The following OTOF variants were observed in gnomAD, a reference collection of about 807,000 sequenced individuals.
The protein encoded by OTOF is otoferlin.
In OTOF, 218 loss-of-function variants were observed where a neutral mutation model predicts 236.8. The ratio of observed to expected loss-of-function variants is 0.92; its 90% CI spans 0.82 to 1.03. The LOEUF is 1.03. OTOF is among the 50% of genes least tolerant of loss of function. The pLI, the probability that OTOF is intolerant of heterozygous loss-of-function variation, is 0.00. For synonymous variants in OTOF, 1,041 were observed against 1,072.5 expected (o/e 0.97, Z 0.57); for missense variants, 2,590 against 2,694.4 (o/e 0.96, Z 0.86).
chr2:26,466,365 C>T lies in OTOF; in HGVS notation c.4501-289G>A, dbSNP rs551423785. 1.2e-5 allele frequency: 6 copies of T among 515,308 alleles called. No homozygotes were observed. The South Asian group carries it at 1.2e-4, about 11-fold the overall frequency. 31.9% of individuals were successfully genotyped at this position (515,308 alleles called of 1,614,324 possible). A position where few individuals can be genotyped will look rare whatever the true frequency, so the allele number is the denominator to read the frequency against. ...TTTTTTTTTTCCTTTGAGACAGAGT[C>T]TCGCTCTGTCTCCCAGGCTGGAGTG... On this transcript the variant is annotated intron_variant, in intron 36 of 46. Transcript: ENST00000272371.
Position 26,465,984 on chromosome 2 carries a change from G to A in OTOF, c.4593C>T (p.Asn1531=). ...LGKTDIRDKE[N]YISKQLNPVF... Reference sequence around the variant, plus strand: ...CAGGGTTGAGCTGCTTGGAGATGTAGTTCTCCTTGTCGCGGATGTCAGTCT... The same window carrying A: ...CAGGGTTGAGCTGCTTGGAGATGTAATTCTCCTTGTCGCGGATGTCAGTCT... Residue 1531 remains asparagine (N), a synonymous_variant, in exon 37 of 47, where the codon AAC becomes AAT. Transcript: ENST00000272371. 6.2e-7 allele frequency: 1 copy of A among 1,614,266 alleles called. No homozygotes were observed. Among genetic ancestry groups the A allele is most frequent in the Non-Finnish European group, 8.5e-7 (1 of 1,180,046 alleles).
chr2:26,515,051 C>G (rs551008077), intron 5 of OTOF, among the ~76,000 whole-genome samples: 2 of 152,244 alleles, frequency 1.3e-5, no homozygotes, highest in Non-Finnish European at 2.9e-5. Flanking sequence ...CTGTCACCAG[C>G]CTGGACATGG....
At chr2:26,508,497 G>C (rs1558505549) in intron 5 of OTOF, among the ~76,000 whole-genome samples, 1 of 152,174 alleles carries the variant, frequency 6.6e-6, no homozygotes, top group Non-Finnish European at 1.5e-5. Flanking sequence ...CGTTGTACCA[G>C]AAGGCTTGGG....
At chr2:26,545,040 C>CAA (rs56104110) in intron 1 of OTOF, among the ~76,000 whole-genome samples, 1 of 136,540 alleles carries the variant, frequency 7.3e-6, no homozygotes, top group African/African-American at 2.8e-5. Context: ...GATGCCATCC[C>CAA]AAAAAAAAAA....
In OTOF at chr2:26,477,872, C is replaced by T; in HGVS notation, c.2215-123G>A. On this transcript the variant is annotated intron_variant, in intron 18 of 46. Coordinates refer to ENST00000272371, the MANE Select transcript of OTOF (RefSeq NM_194248.3). The surrounding 1 kb of genome is among the most constrained non-coding windows in gnomAD (Gnocchi z 4.7). The stretch of plus-strand genomic sequence containing the variant: ...ATGATCTGGGAGCTCTCGCTAGGGC[C>T]ATCCTGAGTATCGGTCATCATGAGG... 1 of 1,551,914 alleles carries T rather than the reference C, an allele frequency of 6.4e-7. No homozygotes were observed. The highest frequency in any genetic ancestry group is 8.7e-7 in the Non-Finnish European group (1 of 1,147,628).
rs1665566029 is a variant in OTOF at position 26,482,501 on chromosome 2, A to G, written c.1484T>C (p.Met495Thr). Residue 495 changes from methionine (M) to threonine (T), a missense_variant, in exon 14 of 47, where the codon ATG (methionine) becomes ACG (threonine). This residue lies in a region of OTOF where 1,379 missense variants were observed against 1,341.6 expected (regional missense o/e 1.03). Transcript: ENST00000272371. ...GTCCGAGTCTCGGATCTGCACCTTC[A>G]TGCGTTTGCAGAGTGGGGGGAAGAG... is the stretch of plus-strand genomic sequence containing the variant. ...TDLFPPLCKR[M>T]KVQIRDSDKV... 1 of 1,613,336 alleles carries G rather than the reference A, an allele frequency of 6.2e-7. No individual in the cohort carries two copies. The highest frequency in any genetic ancestry group is 8.5e-7 in the Non-Finnish European group (1 of 1,179,976).
At chr2:26,533,744 C>G (rs947766722) in intron 2 of OTOF, among the ~76,000 whole-genome samples, 1 of 152,142 alleles carries the variant, frequency 6.6e-6, no homozygotes, top group Non-Finnish European at 1.5e-5. Context: ...CACAGGCCTG[C>G]GGTGACAGGT....
intron 9 of OTOF, among the ~76,000 whole-genome samples, chr2:26,492,821 A>G (rs1318234545): frequency 1.3e-5 from 2 of 152,212 alleles, no homozygotes; most frequent in Non-Finnish European, 2.9e-5. Context: ...AGAGCAGGCA[A>G]GGCTGCTCAG....
At chr2:26,466,908 AAATAGCTAACAG>A (rs1664754331) in intron 35 of OTOF, 57 bp from the exon 36 acceptor site, 1 of 1,611,610 alleles carries the variant, frequency 6.2e-7, no homozygotes, top group African/African-American at 1.3e-5. Context: ...GTGGCATTCA[AAATAGCTAACAG>A]CACCAGGAGG....
Position 26,477,604 on chromosome 2 carries a change from A to G in OTOF, c.2315+45T>C. On this transcript the variant is annotated intron_variant, in intron 19 of 46. Coordinates refer to ENST00000272371, the MANE Select transcript of OTOF (RefSeq NM_194248.3). The surrounding 1 kb of genome is among the most constrained non-coding windows in gnomAD (Gnocchi z 4.7). The stretch of plus-strand genomic sequence containing the variant: ...AGCCCTGGCAGGGTCCCCTTTGTCC[A>G]GTTCCGCCTCATCCTCCCCCCACCT... 3.7e-6 allele frequency: 6 copies of G among 1,609,056 alleles called. No individual in the cohort carries two copies. The highest frequency in any genetic ancestry group is 5.1e-6 in the Non-Finnish European group (6 of 1,177,808).
At chr2:26,501,511 C>T (rs1334503088) in intron 8 of OTOF, among the ~76,000 whole-genome samples, 1 of 152,178 alleles carries the variant, frequency 6.6e-6, no homozygotes, top group Non-Finnish European at 1.5e-5. Context: ...ACATGAAATA[C>T]TGGAAGGGCT....
At chr2:26,502,492 T>C in intron 6 of OTOF, 66 bp from the exon 7 acceptor site, 1 of 1,517,182 alleles carries the variant, frequency 6.6e-7, no homozygotes. Context: ...TTTCTCCTTT[T>C]ACTCTGGCAT....
intron 5 of OTOF, among the ~76,000 whole-genome samples, chr2:26,514,229 C>T (rs1666463140): frequency 6.6e-6 from 1 of 152,286 alleles, no homozygotes; most frequent in South Asian, 2.1e-4. Flanking sequence ...TGCTCCTGCA[C>T]ACTGCCCCTG....
chr2:26,466,771 G>C lies in OTOF; in HGVS notation c.4443C>G (p.Phe1481Leu). ...EAGYDSTYGM[F>L]QGIPSNDPIN... Reference sequence around the variant, plus strand: ...TGGGGTCATTGCTCGGGATGCCCTGGAACATGCCGTAGGTGGAGTCGTAGC... The same window carrying C: ...TGGGGTCATTGCTCGGGATGCCCTGCAACATGCCGTAGGTGGAGTCGTAGC... Residue 1481 changes from phenylalanine to leucine, a missense_variant, in exon 36 of 47, where the codon TTC (phenylalanine) becomes TTG (leucine). Phe to Leu is a conservative substitution (Grantham distance 22, BLOSUM62 0). Coordinates refer to ENST00000272371, the MANE Select transcript of OTOF (RefSeq NM_194248.3). 6.2e-7 allele frequency: 1 copy of C among 1,614,232 alleles called. No individual in the cohort carries two copies. The highest frequency in any genetic ancestry group is 2.2e-5 in the East Asian group (1 of 44,888).
At position 26,461,068 on chromosome 2, in the gene OTOF, C is replaced by T. The variant is rs1393988253; in HGVS notation, c.5534-38G>A. The T allele has an allele frequency of 8.7e-6, 3 of 343,324 alleles. No individual in the cohort carries two copies. The highest frequency in any genetic ancestry group is 2.1e-5 in the South Asian group (1 of 48,050). 21.3% of individuals were successfully genotyped at this position (343,324 alleles called of 1,614,324 possible). On this transcript the variant is annotated intron_variant, in intron 43 of 46. Transcript: ENST00000272371. The surrounding 1 kb of genome is among the most constrained non-coding windows in gnomAD (Gnocchi z 6.2). ...CAGTGTCAGCTCAGAGTGAACAGGG[C>T]TGGGGTGGGGCGGGGTGGGGGTGGG...
chr2:26,501,842 A>G, intron 7 of OTOF, 34 bp from the exon 8 acceptor site: 1 of 1,549,490 alleles, frequency 6.5e-7, no homozygotes, highest in Non-Finnish European at 8.9e-7. Flanking sequence ...GGCCTGGGGT[A>G]TGGGGACTGC....
intron 46 of OTOF, among the ~76,000 whole-genome samples, chr2:26,459,731 G>A (rs1664366970): frequency 6.6e-6 from 1 of 152,178 alleles, no homozygotes; most frequent in Non-Finnish European, 1.5e-5. Context: ...GCTTAATGTG[G>A]AAAAGTGTAA....
At chr2:26,550,186 A>C (rs1039476138) in intron 1 of OTOF, among the ~76,000 whole-genome samples, 1 of 152,068 alleles carries the variant, frequency 6.6e-6, no homozygotes, top group African/African-American at 2.4e-5. Flanking sequence ...AGAAAATAAA[A>C]TAGAAACGAG....
At chr2:26,527,483 C>T (rs189286216) in intron 3 of OTOF, among the ~76,000 whole-genome samples, 3 of 152,288 alleles carry the variant, frequency 2.0e-5, no homozygotes, top group East Asian at 1.9e-4. Flanking sequence ...CTCCACCTTT[C>T]GCCTCTCCAG....
Sources: allele counts gnomAD v4.1 joint callset (sites outside exome capture counted in the v4.1 genomes callset), GRCh38; gene constraint gnomAD v4.1.1; regional missense constraint gnomAD v4.1.1; non-coding constraint Gnocchi (gnomAD v3.1); transcripts MANE v1.5; gene names NCBI Gene and HGNC (gene_info 2026-07-23, HGNC 2026-07-21).